The following SPATS2L variants were observed in gnomAD, a reference collection of about 807,000 sequenced individuals.
SPATS2L encodes the protein SPATS2-like protein.
Under a neutral mutation model 59.6 loss-of-function variants are expected in SPATS2L, and 30 were observed. That is an observed-to-expected ratio of 0.50 (90% CI 0.38 to 0.68). The LOEUF (loss-of-function observed/expected upper bound fraction) is 0.68. Among genes scored for constraint, SPATS2L ranks in the 30% least tolerant of loss-of-function variants. The pLI is 0.00. For missense variants in SPATS2L, 615 were observed against 700.0 expected, an observed-to-expected ratio of 0.88 and a Z score of 1.37; for synonymous variants, 252 against 263.5, an observed-to-expected ratio of 0.96 and a Z score of 0.42.
intron 1 of SPATS2L, among the ~76,000 whole-genome samples, chr2:200,312,565 A>G (rs1480940978): frequency 6.6e-6 from 1 of 152,210 alleles, no homozygotes; most frequent in Non-Finnish European, 1.5e-5. Context: ...ACCAGGCAAT[A>G]TCTTATTTAA....
intron 8 of SPATS2L, among the ~76,000 whole-genome samples, chr2:200,443,984 C>G (rs1021743002): frequency 6.6e-6 from 1 of 152,158 alleles, no homozygotes; most frequent in Non-Finnish European, 1.5e-5. Flanking sequence ...GCTGCATGAC[C>G]ATAACAGAGC....
intron 1 of SPATS2L, among the ~76,000 whole-genome samples, chr2:200,323,219 G>C (rs1365864174): frequency 1.3e-5 from 2 of 152,116 alleles, no homozygotes; most frequent in East Asian, 3.9e-4. Flanking sequence ...GTCTACCCCT[G>C]GGCAAACAGC....
chr2:200,313,668 G>T (rs1013764953), intron 1 of SPATS2L, among the ~76,000 whole-genome samples: 2 of 152,098 alleles, frequency 1.3e-5, no homozygotes, highest in Non-Finnish European at 2.9e-5. Flanking sequence ...TCTAGGTTTG[G>T]GTGTGTTTCA....
At chr2:200,466,642 C>G (rs2086626020) in intron 9 of SPATS2L, among the ~76,000 whole-genome samples, 1 of 152,206 alleles carries the variant, frequency 6.6e-6, no homozygotes, top group Non-Finnish European at 1.5e-5. Context: ...CTCACTCACT[C>G]TTGAAATTTT....
rs2087677705 is a variant in SPATS2L, at chr2:200,478,044, AAG to A, written c.*16_*17del. 3.9e-6 allele frequency: 6 copies of A among 1,527,104 alleles called. No homozygotes were observed. The African/African-American group carries it at 4.2e-5, about 11-fold the overall frequency. The allele number at this position is 1,527,104 out of a possible 1,614,324, so 94.6% of individuals were successfully genotyped here. A position where few individuals can be genotyped will look rare whatever the true frequency, so the allele number is the denominator to read the frequency against. On this transcript the variant is annotated 3_prime_UTR_variant, in exon 13 of 13. Coordinates refer to ENST00000409140, the MANE Select transcript of SPATS2L (RefSeq NM_001100423.2). ...GTTGGTGGCCTGAGCTAGGAGGAAAAAGAGCAGTTTTCACTCAGTTTTGGTTC... is the reference window on the plus strand; with the variant it reads ...GTTGGTGGCCTGAGCTAGGAGGAAAAAGCAGTTTTCACTCAGTTTTGGTTC...
chr2:200,309,216 G>T, intron 1 of SPATS2L: 1 of 707,076 alleles, frequency 1.4e-6, no homozygotes, highest in South Asian at 1.5e-5. Flanking sequence ...GTTCGTGAAT[G>T]GTTGTGTGTT....
chr2:200,307,284 C>T (rs1559025774), intron 1 of SPATS2L, among the ~76,000 whole-genome samples: 1 of 151,704 alleles, frequency 6.6e-6, no homozygotes, highest in Admixed American at 6.6e-5. Context: ...CGTCCCTCGC[C>T]TGCCGTCCTC....
intron 4 of SPATS2L, among the ~76,000 whole-genome samples, chr2:200,412,897 A>G (rs561697615): frequency 6.6e-5 from 10 of 151,948 alleles, no homozygotes; most frequent in African/African-American, 1.2e-4. Flanking sequence ...ATAAAAAAAT[A>G]TATATATAAA....
At chr2:200,388,137 G>C (rs559837143) in intron 2 of SPATS2L, among the ~76,000 whole-genome samples, 4 of 152,236 alleles carry the variant, frequency 2.6e-5, no homozygotes, top group South Asian at 4.2e-4. Flanking sequence ...TATCAATCTG[G>C]AATGTTGCTC....
rs1259847238 is a variant in SPATS2L, at chr2:200,333,567, A to G, written c.-23+4087A>G. Among the ~76,000 whole-genome samples the G allele has an allele frequency of 1.8e-4, 28 of 152,088 alleles. No homozygotes were observed. The South Asian group carries it at 5.6e-3, about 31-fold the overall frequency. ...TGCACAACGTGCAGGTTTGTTACATATGTATACATGTGCCATGTTGGTGTG... is the reference window on the plus strand; with the variant it reads ...TGCACAACGTGCAGGTTTGTTACATGTGTATACATGTGCCATGTTGGTGTG... On this transcript the variant is annotated intron_variant, in intron 2 of 12. Coordinates refer to ENST00000409140, the MANE Select transcript of SPATS2L (RefSeq NM_001100423.2).
chr2:200,366,168 A>G (rs1482420603), intron 2 of SPATS2L, among the ~76,000 whole-genome samples: 14 of 152,232 alleles, frequency 9.2e-5, no homozygotes, highest in Admixed American at 9.2e-4. Context: ...AGCACCATAA[A>G]TCAACAATCA....
rs948018594 is a variant in SPATS2L, at chr2:200,376,190, G to A, written c.-22-13033G>A. The stretch of plus-strand genomic sequence containing the variant: ...AAAAGGAAGGAATTCTTTTTGTAAC[G>A]TATTAAATCTGTTAAAGTCATGTAT... On this transcript the variant is annotated intron_variant, in intron 2 of 12. Coordinates refer to ENST00000409140, the MANE Select transcript of SPATS2L (RefSeq NM_001100423.2). Among the ~76,000 whole-genome samples the A allele has an allele frequency of 1.1e-4, 17 of 152,218 alleles. No homozygotes were observed. In the East Asian group the frequency reaches 2.5e-3, roughly 22 times the overall value.
chr2:200,321,512 T>C (rs1161322000), intron 1 of SPATS2L, among the ~76,000 whole-genome samples: 1 of 152,224 alleles, frequency 6.6e-6, no homozygotes, highest in African/African-American at 2.4e-5. Context: ...TTTCTTCACT[T>C]AAATTATAGG....
chr2:200,473,647 C>T (rs2087253736), intron 12 of SPATS2L, among the ~76,000 whole-genome samples: 1 of 152,290 alleles, frequency 6.6e-6, no homozygotes, highest in Non-Finnish European at 1.5e-5. Flanking sequence ...TTCTCTCCTT[C>T]TGCTTCTCCA....
chr2:200,417,770 T>C (rs1213449890), intron 5 of SPATS2L, among the ~76,000 whole-genome samples: 1 of 152,162 alleles, frequency 6.6e-6, no homozygotes, highest in East Asian at 1.9e-4. Context: ...GGGAGGAGAA[T>C]TGAGAAGAAA....
rs555395427 is a variant in SPATS2L at position 200,383,797 on chromosome 2, C to T, written c.-22-5426C>T. ...TCATGGGAAATTTTGCATTAATAACCTTGAAAATTTTGTTAAAATCATTAC... is the reference window on the plus strand; with the variant it reads ...TCATGGGAAATTTTGCATTAATAACTTTGAAAATTTTGTTAAAATCATTAC... On this transcript the variant is annotated intron_variant, in intron 2 of 12. Transcript: ENST00000409140. 61 of 809,746 alleles carry T rather than the reference C, an allele frequency of 7.5e-5. No individual in the cohort carries two copies. The African/African-American group carries it at 1.0e-3, about 14-fold the overall frequency. The allele number at this position is 809,746 out of a possible 1,614,324, so 50.2% of individuals were successfully genotyped here.
At chr2:200,425,728 A>G (rs1574480187) in intron 6 of SPATS2L, among the ~76,000 whole-genome samples, 1 of 152,226 alleles carries the variant, frequency 6.6e-6, no homozygotes, top group East Asian at 1.9e-4. Context: ...GAAGCGGACA[A>G]GACAACAAAG....
intron 2 of SPATS2L, among the ~76,000 whole-genome samples, chr2:200,343,667 T>C (rs905766794): frequency 2.6e-5 from 4 of 152,178 alleles, no homozygotes; most frequent in Non-Finnish European, 5.9e-5. Flanking sequence ...GTTTATAATA[T>C]AGTAAACAGG....
intron 6 of SPATS2L, among the ~76,000 whole-genome samples, chr2:200,424,974 C>G (rs1406807799): frequency 6.6e-6 from 1 of 152,138 alleles, no homozygotes; most frequent in Non-Finnish European, 1.5e-5. Flanking sequence ...CTGCCCTGTA[C>G]CACAAAGCAG....
Sources: gnomAD v4.1 joint callset for allele counts (sites outside exome capture counted in the v4.1 genomes callset) on GRCh38, gnomAD v4.1.1 for gene constraint, MANE v1.5 for transcripts, NCBI Gene and HGNC (gene_info 2026-07-23, HGNC 2026-07-21) for gene names.